Variants in SLF2 observed in about 807,000 individuals in gnomAD.
SLF2 encodes SMC5-SMC6 complex localization factor protein 2.
SLF2 carries 68 observed loss-of-function variants against 124.3 expected under a neutral mutation model. The ratio of observed to expected loss-of-function variants is 0.55; its 90% CI spans 0.45 to 0.67. SLF2 has a LOEUF of 0.67. SLF2 is among the 30% of genes least tolerant of loss of function. The pLI, the probability that SLF2 is intolerant of heterozygous loss-of-function variation, is 0.00. For missense variants in SLF2, 1,246 were observed against 1,373.7 expected, an observed-to-expected ratio of 0.91 and a Z score of 1.47; for synonymous variants, 480 against 478.8, an observed-to-expected ratio of 1.00 and a Z score of -0.03.
chr10:100,944,094 C>T lies in SLF2; in HGVS notation c.2723C>T (p.Thr908Ile). ...TCATCTTATAAGCCAATTTTTTCAA[C>T]ACTTCCTGAAACCAACATTTTAAAT... ...EDSSYKPIFS[T>I]LPETNILNVV... Residue 908 changes from threonine (T) to isoleucine (I), a missense_variant, in exon 12 of 20, where the codon ACA becomes ATA. Coordinates refer to ENST00000238961, the MANE Select transcript of SLF2 (RefSeq NM_018121.4). The T allele has an allele frequency of 1.2e-6, 2 of 1,612,448 alleles. No homozygotes were observed. The highest frequency in any genetic ancestry group is 8.5e-7 in the Non-Finnish European group (1 of 1,179,246).
chr10:100,937,179 T>A (rs752696694), intron 9 of SLF2, among the ~76,000 whole-genome samples: 1 of 152,014 alleles, frequency 6.6e-6, no homozygotes. Flanking sequence ...CCTGGCTAAT[T>A]TTTGTATTTT....
chr10:100,917,885 G>A (rs1052724054), intron 3 of SLF2, among the ~76,000 whole-genome samples: 4 of 152,104 alleles, frequency 2.6e-5, no homozygotes, highest in Non-Finnish European at 5.9e-5. Context: ...TTTGAGACCA[G>A]CCAGAGCCAC....
chr10:100,953,988 G>A (rs1850276554), intron 17 of SLF2, among the ~76,000 whole-genome samples: 1 of 151,938 alleles, frequency 6.6e-6, no homozygotes, highest in Non-Finnish European at 1.5e-5. Context: ...TGGGCGCAGT[G>A]GCTCACAACT....
Position 100,951,759 on chromosome 10 carries a change from A to T in SLF2, c.3330+1006A>T, listed in dbSNP as rs182691567. On this transcript the variant is annotated intron_variant, in intron 17 of 19. Coordinates refer to ENST00000238961, the MANE Select transcript of SLF2 (RefSeq NM_018121.4). ...GCTCGTTTCTTCCCATTTCTTTGCC[A>T]TTCCCCTTTTGTTCCTTTAGAAATA... is the stretch of plus-strand genomic sequence containing the variant. Among the ~76,000 whole-genome samples, 23 of 152,286 alleles carry T rather than the reference A, an allele frequency of 1.5e-4. 2 individuals carry two copies. The highest frequency in any genetic ancestry group is 3.3e-4 in the Admixed American group (5 of 15,300).
intron 9 of SLF2, among the ~76,000 whole-genome samples, chr10:100,932,937 C>T (rs1459508327): frequency 6.6e-6 from 1 of 151,988 alleles, no homozygotes; most frequent in African/African-American, 2.4e-5. Context: ...TCACTGCCTC[C>T]ACTAAAGATA....
intron 4 of SLF2, among the ~76,000 whole-genome samples, chr10:100,918,999 A>ATTTT (rs1589942411): frequency 1.1e-5 from 1 of 92,128 alleles, no homozygotes; most frequent in African/African-American, 4.8e-5. Context: ...AGGAAACATA[A>ATTTT]TCTTTTTTTT....
chr10:100,930,180 T>C (rs1247376565), intron 8 of SLF2, among the ~76,000 whole-genome samples, 183 bp downstream of exon 8: 1 of 152,198 alleles, frequency 6.6e-6, no homozygotes, highest in Non-Finnish European at 1.5e-5. Context: ...AGGATAGTTG[T>C]TTGACACATC....
chr10:100,949,997 A>T, intron 15 of SLF2, 79 bp from the exon 16 acceptor site: 2 of 1,348,558 alleles, frequency 1.5e-6, no homozygotes, highest in Non-Finnish European at 2.0e-6. Flanking sequence ...ATGAAAGAGT[A>T]CACACTGGAA....
At chr10:100,947,234 TAGATC>T in intron 14 of SLF2, 98 bp downstream of exon 14, 1 of 666,934 alleles carries the variant, frequency 1.5e-6, no homozygotes, top group Non-Finnish European at 2.4e-6. Flanking sequence ...CTTTGAATGT[TAGATC>T]AGATATGTTT....
At chr10:100,916,536 A>G in intron 2 of SLF2, 34 bp from the exon 3 acceptor site, 1 of 1,304,656 alleles carries the variant, frequency 7.7e-7, no homozygotes, top group Non-Finnish European at 9.8e-7. Context: ...TTTTACTAAC[A>G]TGCAATTTGT....
chr10:100,919,793 C>T (rs1849493048), intron 4 of SLF2, among the ~76,000 whole-genome samples: 1 of 152,184 alleles, frequency 6.6e-6, no homozygotes, highest in South Asian at 2.1e-4. Flanking sequence ...ATTTTATGTG[C>T]TTCTAATTCG....
At chr10:100,953,409 G>A (rs1278044891) in intron 17 of SLF2, among the ~76,000 whole-genome samples, 5 of 150,970 alleles carry the variant, frequency 3.3e-5, no homozygotes, top group Non-Finnish European at 7.4e-5. Flanking sequence ...GAGTCAGGAG[G>A]ATCACTTGAG....
intron 18 of SLF2, among the ~76,000 whole-genome samples, chr10:100,958,158 T>A (rs1365697551): frequency 6.6e-6 from 1 of 152,236 alleles, no homozygotes; most frequent in Non-Finnish European, 1.5e-5. Context: ...CAATGCTGAT[T>A]CTTTTTGCCT....
At chr10:100,948,958 T>A (rs1421732849) in intron 15 of SLF2, among the ~76,000 whole-genome samples, 1 of 152,228 alleles carries the variant, frequency 6.6e-6, no homozygotes, top group Non-Finnish European at 1.5e-5. Flanking sequence ...GTACAAGGTA[T>A]GCCACCAGAT....
intron 4 of SLF2, among the ~76,000 whole-genome samples, chr10:100,923,166 T>G (rs1435105579): frequency 6.6e-6 from 1 of 152,164 alleles, no homozygotes; most frequent in Non-Finnish European, 1.5e-5. Context: ...TAGCTTATAT[T>G]AGTTTCCTAG....
chr10:100,945,439 T>C lies in SLF2; in HGVS notation c.2867T>C (p.Ile956Thr), dbSNP rs1407344336. Reference sequence around the variant, plus strand: ...AGTTTGGAAAAACAGCTGAAACAGATTCCTTTAGTAGACTTTCAAAGCCTC... The same window carrying C: ...AGTTTGGAAAAACAGCTGAAACAGACTCCTTTAGTAGACTTTCAAAGCCTC... ...KMSLEKQLKQ[I>T]PLVDFQSLLI... Residue 956 changes from isoleucine (I) to threonine (T), a missense_variant, in exon 13 of 20, where the codon ATT (isoleucine) becomes ACT (threonine). This residue lies in a region of SLF2 where 535 missense variants were observed against 632.8 expected (regional missense o/e 0.85). Transcript: ENST00000238961. 1 of 1,598,422 alleles carries C rather than the reference T, an allele frequency of 6.3e-7. No individual in the cohort carries two copies. The highest frequency in any genetic ancestry group is 1.8e-5 in the Admixed American group (1 of 54,386).
Position 100,962,232 on chromosome 10 carries a change from G to A in SLF2, c.*320G>A, listed in dbSNP as rs1850438243. The A allele has an allele frequency of 5.1e-6, 1 of 196,838 alleles. No homozygotes were observed. Among genetic ancestry groups the A allele is most frequent in the African/African-American group, 2.3e-5 (1 of 43,200 alleles). 12.2% of individuals were successfully genotyped at this position (196,838 alleles called of 1,614,324 possible). A position where few individuals can be genotyped will look rare whatever the true frequency, so the allele number is the denominator to read the frequency against. On this transcript the variant is annotated 3_prime_UTR_variant, in exon 20 of 20. Transcript: ENST00000238961. ...ACTCCTCTTGTTAAATTATAAGCCA[G>A]TTATCTTTTTTAGATAGTATTTTTG...
At chr10:100,942,933 C>G (rs1485462026) in intron 11 of SLF2, among the ~76,000 whole-genome samples, 3 of 150,698 alleles carry the variant, frequency 2.0e-5, no homozygotes, top group Non-Finnish European at 4.4e-5. Context: ...CCCACCCACT[C>G]TCTCATCATT....
At chr10:100,914,301 T>C (rs893447769) in intron 1 of SLF2, among the ~76,000 whole-genome samples, 1 of 118,430 alleles carries the variant, frequency 8.4e-6, no homozygotes, top group Admixed American at 8.7e-5. Flanking sequence ...TATAATTGTG[T>C]GTGTGTGTGT....
Sources: gnomAD v4.1 joint callset for allele counts (sites outside exome capture counted in the v4.1 genomes callset) on GRCh38, gnomAD v4.1.1 for gene constraint, gnomAD v4.1.1 regional missense constraint, MANE v1.5 for transcripts, NCBI Gene and HGNC (gene_info 2026-07-23, HGNC 2026-07-21) for gene names.